The following ZNF385A variants were observed in gnomAD, a reference collection of about 807,000 sequenced individuals.
The protein encoded by ZNF385A is zinc finger protein 385A.
A neutral mutation model predicts 32.1 loss-of-function variants in ZNF385A; 14 were observed. That is an observed-to-expected ratio of 0.44 (90% CI 0.29 to 0.68). The LOEUF (loss-of-function observed/expected upper bound fraction) is 0.68. Ranked by LOEUF, ZNF385A falls within the 30% of genes least tolerant of loss-of-function variation. The pLI, the probability that ZNF385A is intolerant of heterozygous loss-of-function variation, is 0.14. For missense variants in ZNF385A, 406 were observed against 478.4 expected, an observed-to-expected ratio of 0.85 and a Z score of 1.41; for synonymous variants, 197 against 202.7, an observed-to-expected ratio of 0.97 and a Z score of 0.24.
rs547845758 is a variant in ZNF385A at position 54,382,423 on chromosome 12, T to C, written c.87+2005A>G. ...TGCAAATGTGTGTCTGGGTCCCTCA[T>C]TTGGGGGGAGCAGCTGTGGTATAAC... On this transcript the variant is annotated intron_variant, in intron 1 of 6. Coordinates refer to ENST00000394313, the MANE Select transcript of ZNF385A (RefSeq NM_015481.3). 3.3e-5 allele frequency among the ~76,000 whole-genome samples: 5 copies of C among 152,126 alleles called. No homozygotes were observed. In the East Asian group the frequency reaches 9.6e-4, roughly 29 times the overall value.
chr12:54,379,178 G>C, intron 1 of ZNF385A: 1 of 981,074 alleles, frequency 1.0e-6, no homozygotes, highest in Non-Finnish European at 1.2e-6. Flanking sequence ...TTGCCCGGGC[G>C]GCTCGGGGCT....
At chr12:54,380,595 A>G (rs2706254) in intron 1 of ZNF385A, among the ~76,000 whole-genome samples, 116,965 of 152,074 alleles carry the variant, frequency 0.77, 45,282 homozygotes, top group Middle Eastern at 0.86. Flanking sequence ...CTACAGGAAC[A>G]TATTTCCCTC....
At chr12:54,377,489 G>A (rs1245583673) in intron 1 of ZNF385A, among the ~76,000 whole-genome samples, 2 of 152,180 alleles carry the variant, frequency 1.3e-5, no homozygotes, top group Admixed American at 6.5e-5. Context: ...GGTGGAGTGT[G>A]AATAAGTGTC....
At chr12:54,388,707 A>G (rs1488913172), upstream of ZNF385A, among the ~76,000 whole-genome samples, 1 of 152,070 alleles carries the variant, frequency 6.6e-6, no homozygotes. Flanking sequence ...CACAGGAGAA[A>G]TTCAGATCTC....
chr12:54,377,623 TG>T (rs1954915565), intron 1 of ZNF385A, among the ~76,000 whole-genome samples: 1 of 152,188 alleles, frequency 6.6e-6, no homozygotes, highest in Non-Finnish European at 1.5e-5. Flanking sequence ...ATGATGTGTT[TG>T]GCAGAAAGAA....
chr12:54,391,145 G>A, intron 1 of ZNF385A: 1 of 1,377,146 alleles, frequency 7.3e-7, no homozygotes, highest in Non-Finnish European at 9.7e-7. Context: ...CGCAGTCACC[G>A]CGGTGCCGGG....
At chr12:54,391,263 CG>C in exon 1 of ZNF385A, 1 of 1,095,392 alleles carries the variant, frequency 9.1e-7, no homozygotes, top group Non-Finnish European at 1.1e-6. Flanking sequence ...CCCAGGCGCC[CG>C]GGGTTCCGCG....
At chr12:54,381,953 T>G (rs192238209) in intron 1 of ZNF385A, among the ~76,000 whole-genome samples, 2 of 152,286 alleles carry the variant, frequency 1.3e-5, no homozygotes, top group Admixed American at 6.5e-5. Flanking sequence ...CTTGTTATCC[T>G]TCCTACCAAA....
At chr12:54,377,540 G>A (rs989329993) in intron 1 of ZNF385A, among the ~76,000 whole-genome samples, 1 of 152,138 alleles carries the variant, frequency 6.6e-6, no homozygotes. Flanking sequence ...ACATTTCTGC[G>A]TCGGGGGCTT....
At position 54,371,543 on chromosome 12, in the gene ZNF385A, C is replaced by T; in HGVS notation, c.534G>A (p.Lys178=). Residue 178 remains lysine (K), a synonymous_variant, in exon 4 of 7, where the codon AAG becomes AAA. Transcript: ENST00000394313. ...GGSKEEEEKA[K]RLLYCALCKV... ...TGCACAGAGCACAGTAGAGCAGCCGCTTGGCTTTCTCCTCCTCTTCCTTGC... is the reference window on the plus strand; with the variant it reads ...TGCACAGAGCACAGTAGAGCAGCCGTTTGGCTTTCTCCTCCTCTTCCTTGC... 6.2e-7 allele frequency: 1 copy of T among 1,613,680 alleles called. No homozygotes were observed. Among genetic ancestry groups the T allele is most frequent in the Non-Finnish European group, 8.5e-7 (1 of 1,179,846 alleles).
In ZNF385A at chr12:54,376,207, T is replaced by C. The variant is rs1954843059; in HGVS notation, c.88-253A>G. Among the ~76,000 whole-genome samples, 4 of 152,282 alleles carry C rather than the reference T, an allele frequency of 2.6e-5. No homozygotes were observed. The South Asian group carries it at 8.3e-4, about 32-fold the overall frequency. On this transcript the variant is annotated intron_variant, in intron 1 of 6. Coordinates refer to ENST00000394313, the MANE Select transcript of ZNF385A (RefSeq NM_015481.3). ...AAGTGGTTTGCCCAACGTCACACCA[T>C]GAGTTAATAGCAGATCTGGTATCTG...
upstream of ZNF385A, among the ~76,000 whole-genome samples, chr12:54,387,116 C>T (rs1053132667): frequency 1.3e-5 from 2 of 152,218 alleles, no homozygotes; most frequent in Non-Finnish European, 2.9e-5. Context: ...AGGCTTCCAT[C>T]TTGTTCAAGG....
At chr12:54,374,539 G>C (rs1035871398) in intron 2 of ZNF385A, among the ~76,000 whole-genome samples, 1 of 152,128 alleles carries the variant, frequency 6.6e-6, no homozygotes, top group Non-Finnish European at 1.5e-5. Flanking sequence ...TCTGCCCCTA[G>C]GATCCAGCCT....
At chr12:54,376,045 C>A in intron 1 of ZNF385A, 91 bp from the exon 2 acceptor site, 1 of 1,003,510 alleles carries the variant, frequency 1.0e-6, no homozygotes, top group East Asian at 2.5e-5. Context: ...AACCAAGGTC[C>A]CCAGACCCCT....
At position 54,371,570 on chromosome 12, in the gene ZNF385A, A is replaced by G; in HGVS notation, c.507T>C (p.Gly169=). ...TGGCTTTCTCCTCCTCTTCCTTGCT[A>G]CCCCCAGGCAAGGAAGCCGGGGCTG... The part of the protein sequence containing the change: ...GTPAPASLPG[G]SKEEEEKAKR... The change falls in exon 4 of 7, where the codon GGT becomes GGC. Residue 169 remains glycine (G), a synonymous_variant. Coordinates refer to ENST00000394313, the MANE Select transcript of ZNF385A (RefSeq NM_015481.3). 6.2e-7 allele frequency: 1 copy of G among 1,613,182 alleles called. No homozygotes were observed. The highest frequency in any genetic ancestry group is 8.5e-7 in the Non-Finnish European group (1 of 1,179,752).
At chr12:54,388,334 T>C (rs776400893), upstream of ZNF385A, among the ~76,000 whole-genome samples, 1 of 152,214 alleles carries the variant, frequency 6.6e-6, no homozygotes, top group Non-Finnish European at 1.5e-5. Flanking sequence ...CTGCTCAAGT[T>C]GTGCTGTCAG....
At chr12:54,372,667 C>T (rs965134116) in intron 3 of ZNF385A, among the ~76,000 whole-genome samples, 2 of 152,204 alleles carry the variant, frequency 1.3e-5, no homozygotes, top group African/African-American at 4.8e-5. Flanking sequence ...TCATCATCAT[C>T]CTCTTCCTCT....
upstream of ZNF385A, among the ~76,000 whole-genome samples, chr12:54,386,998 A>C (rs1314573135): frequency 6.6e-6 from 1 of 152,204 alleles, no homozygotes; most frequent in Non-Finnish European, 1.5e-5. Flanking sequence ...GCCTGTAAAT[A>C]TCAGAGCTGA....
chr12:54,371,852 T>G, intron 3 of ZNF385A, 137 bp from the exon 4 acceptor site: 1 of 1,280,270 alleles, frequency 7.8e-7, no homozygotes, highest in Non-Finnish European at 1.1e-6. Flanking sequence ...CATGCTCTCA[T>G]GCCCTGGTCC....
Sources: allele counts gnomAD v4.1 joint callset (sites outside exome capture counted in the v4.1 genomes callset), GRCh38; gene constraint gnomAD v4.1.1; transcripts MANE v1.5; gene names NCBI Gene and HGNC (gene_info 2026-07-23, HGNC 2026-07-21).